The following ABLIM1 variants were observed in gnomAD, a reference collection of about 807,000 sequenced individuals.
ABLIM1 encodes the protein actin-binding LIM protein 1.
In ABLIM1, 40 loss-of-function variants were observed where a neutral mutation model predicts 107.0. The ratio of observed to expected loss-of-function variants is 0.37; its 90% CI spans 0.29 to 0.49. The LOEUF is 0.49. Among genes scored for constraint, ABLIM1 ranks in the 20% least tolerant of loss-of-function variants. The probability of loss-of-function intolerance (pLI) is 0.97; values close to 1 mark genes in which losing one functional copy is unlikely to be tolerated. For synonymous variants in ABLIM1, 357 were observed against 357.3 expected, an observed-to-expected ratio of 1.00 and a Z score of 0.01; for missense variants, 857 against 1,008.5, an observed-to-expected ratio of 0.85 and a Z score of 2.04.
chr10:114,658,153 A>G lies in ABLIM1; in HGVS notation c.48T>C (p.Ser16=), dbSNP rs775956875. The change falls in exon 1 of 23, where the codon TCT becomes TCC. Residue 16 remains serine (S), a synonymous_variant. Coordinates refer to ENST00000533213, the MANE Select transcript of ABLIM1 (RefSeq NM_002313.7). Reference sequence around the variant, plus strand: ...CAGATGAGGTGACTTTGCTTTTCTCAGAGCTGCACAATTTCCCCAGACACT... The same window carrying G: ...CAGATGAGGTGACTTTGCTTTTCTCGGAGCTGCACAATTTCCCCAGACACT... ...GLKCLGKLCS[S]EKSKVTSSER... 3 of 1,613,730 alleles carry G rather than the reference A, an allele frequency of 1.9e-6. No individual in the cohort carries two copies. The highest frequency in any genetic ancestry group is 1.7e-6 in the Non-Finnish European group (2 of 1,179,762).
intron 1 of ABLIM1, among the ~76,000 whole-genome samples, chr10:114,633,704 T>G (rs1357838353): frequency 6.6e-6 from 1 of 152,112 alleles, no homozygotes; most frequent in Non-Finnish European, 1.5e-5. Flanking sequence ...ATGGCAGAGT[T>G]CAAGAGCATC....
At chr10:114,734,019 C>T (rs1229660626) in intron 1 of ABLIM1, among the ~76,000 whole-genome samples, 1 of 152,056 alleles carries the variant, frequency 6.6e-6, no homozygotes, top group Non-Finnish European at 1.5e-5. Flanking sequence ...TGCCACCATG[C>T]CCGGCTGATT....
chr10:114,559,281 A>G (rs2069255739), intron 4 of ABLIM1, among the ~76,000 whole-genome samples: 2 of 152,022 alleles, frequency 1.3e-5, no homozygotes, highest in African/African-American at 4.8e-5. Context: ...CTCTCAGAAA[A>G]GGCAATGGTC....
intron 6 of ABLIM1, among the ~76,000 whole-genome samples, chr10:114,515,944 A>G (rs1017048082): frequency 1.7e-4 from 26 of 152,218 alleles, no homozygotes; most frequent in Admixed American, 1.5e-3. Flanking sequence ...ACCAGCCTCC[A>G]GAGCTGTTGG....
intron 1 of ABLIM1, among the ~76,000 whole-genome samples, chr10:114,604,244 C>T (rs913576269): frequency 7.2e-5 from 11 of 152,340 alleles, no homozygotes; most frequent in South Asian, 2.1e-4. Flanking sequence ...GAAAGATCCA[C>T]GCCCAGGCCT....
At chr10:114,607,266 T>C (rs544291391) in intron 1 of ABLIM1, among the ~76,000 whole-genome samples, 2 of 152,344 alleles carry the variant, frequency 1.3e-5, no homozygotes, top group African/African-American at 4.8e-5. Context: ...TTCACCATGT[T>C]GGCCAGGATG....
At chr10:114,666,358 G>A (rs1268689132) in intron 1 of ABLIM1, among the ~76,000 whole-genome samples, 1 of 152,092 alleles carries the variant, frequency 6.6e-6, no homozygotes, top group African/African-American at 2.4e-5. Flanking sequence ...TATATATTAT[G>A]CATTGTTTTT....
chr10:114,573,106 C>T (rs1248698325), intron 3 of ABLIM1, among the ~76,000 whole-genome samples: 2 of 152,162 alleles, frequency 1.3e-5, no homozygotes, highest in East Asian at 1.9e-4. Context: ...TTGTAAATGG[C>T]CCTTTTCAGT....
At position 114,436,213 on chromosome 10, in the gene ABLIM1, C is replaced by T. The variant is rs1279991196; in HGVS notation, c.*47G>A. ...GGCCTCAATATGACATCCTATGGGGCACCGCCACTGTCAGTCCTTTCTCTA... is the reference window on the plus strand; with the variant it reads ...GGCCTCAATATGACATCCTATGGGGTACCGCCACTGTCAGTCCTTTCTCTA... On this transcript the variant is annotated 3_prime_UTR_variant, in exon 23 of 23. Coordinates refer to ENST00000533213, the MANE Select transcript of ABLIM1 (RefSeq NM_002313.7). 3 of 1,490,774 alleles carry T rather than the reference C, an allele frequency of 2.0e-6. No homozygotes were observed. The highest frequency in any genetic ancestry group is 2.8e-5 in the African/African-American group (2 of 71,938). The allele number at this position is 1,490,774 out of a possible 1,614,324, so 92.3% of individuals were successfully genotyped here.
chr10:114,524,486 A>G (rs915457106), intron 6 of ABLIM1, among the ~76,000 whole-genome samples: 1 of 152,210 alleles, frequency 6.6e-6, no homozygotes, highest in Non-Finnish European at 1.5e-5. Flanking sequence ...TGGCGAAAAG[A>G]AAAAAGAAAT....
upstream of ABLIM1, among the ~76,000 whole-genome samples, chr10:114,769,376 A>AAGAG (rs2082979384): frequency 6.8e-6 from 1 of 147,918 alleles, no homozygotes; most frequent in Non-Finnish European, 1.5e-5. Flanking sequence ...GAAAGAGAGA[A>AAGAG]AGAGACAGAC....
intron 14 of ABLIM1, among the ~76,000 whole-genome samples, chr10:114,449,705 A>G (rs1386366232): frequency 2.0e-5 from 3 of 152,218 alleles, no homozygotes; most frequent in Non-Finnish European, 4.4e-5. Context: ...TGGACAAAAC[A>G]TGTTAGCATA....
chr10:114,735,711 G>T (rs2082165290), intron 1 of ABLIM1, among the ~76,000 whole-genome samples: 1 of 152,136 alleles, frequency 6.6e-6, no homozygotes, highest in Non-Finnish European at 1.5e-5. Context: ...CTCGTGATCT[G>T]CCCCCCTCGG....
intron 3 of ABLIM1, among the ~76,000 whole-genome samples, chr10:114,571,748 T>C (rs930571064): frequency 5.3e-5 from 8 of 152,026 alleles, no homozygotes; most frequent in South Asian, 2.1e-4. Context: ...CATGAAAAAA[T>C]ATTTTAAATA....
At chr10:114,659,664 T>C (rs2079700041), upstream of ABLIM1, among the ~76,000 whole-genome samples, 1 of 152,246 alleles carries the variant, frequency 6.6e-6, no homozygotes, top group Non-Finnish European at 1.5e-5. Context: ...TATGCATACA[T>C]GTGCCATGTT....
chr10:114,683,174 C>T (rs746324185), intron 1 of ABLIM1, among the ~76,000 whole-genome samples: 3 of 152,158 alleles, frequency 2.0e-5, no homozygotes, highest in East Asian at 1.9e-4. Flanking sequence ...CCTGAGGTGA[C>T]GTTATCCTTT....
At position 114,511,617 on chromosome 10, in the gene ABLIM1, A is replaced by G. The variant is rs563894139; in HGVS notation, c.895-19739T>C. Among the ~76,000 whole-genome samples, 9 of 152,118 alleles carry G rather than the reference A, an allele frequency of 5.9e-5. No individual in the cohort carries two copies. The South Asian group carries it at 1.2e-3, about 21-fold the overall frequency. On this transcript the variant is annotated intron_variant, in intron 6 of 22. Transcript: ENST00000533213. ...TGACCTCAAGTGATCCACCCGCCTC[A>G]GCCTCCCTAAGTGCTGGGATTACAG...
At chr10:114,520,635 A>G (rs2063588526) in intron 6 of ABLIM1, among the ~76,000 whole-genome samples, 2 of 151,994 alleles carry the variant, frequency 1.3e-5, no homozygotes. Flanking sequence ...TAAGCAATCA[A>G]TGACGTCCTA....
At chr10:114,491,070 A>G (rs1012181114) in intron 7 of ABLIM1, among the ~76,000 whole-genome samples, 23 of 147,802 alleles carry the variant, frequency 1.6e-4, no homozygotes, top group Admixed American at 2.1e-4. Flanking sequence ...AGGATTCCCT[A>G]TGTTGCCCAG....
Sources: allele counts gnomAD v4.1 joint callset (sites outside exome capture counted in the v4.1 genomes callset), GRCh38; gene constraint gnomAD v4.1.1; transcripts MANE v1.5; gene names NCBI Gene and HGNC (gene_info 2026-07-23, HGNC 2026-07-21).